MYH13: variants seen among roughly 807,000 people sequenced by gnomAD.
The protein encoded by MYH13 is myosin-13.
Under a neutral mutation model 232.1 loss-of-function variants are expected in MYH13, and 177 were observed. The observed-to-expected ratio is 0.76, with a 90% CI of 0.67 to 0.86. The LOEUF is 0.86. Among genes scored for constraint, MYH13 ranks in the 40% least tolerant of loss-of-function variants. The pLI, the probability that MYH13 is intolerant of heterozygous loss-of-function variation, is 0.00. For missense variants in MYH13, 2,246 were observed against 2,405.9 expected, an observed-to-expected ratio of 0.93 and a Z score of 1.39; for synonymous variants, 884 against 923.5, an observed-to-expected ratio of 0.96 and a Z score of 0.78.
In MYH13 at chr17:10,322,301, A is replaced by G. The variant is rs186985522; in HGVS notation, c.2935-593T>C. ...TAGTCCCAGCTACTCAGGAGGCTGA[A>G]ACAGGAGAATCGCTTGAAAACAGGA... On this transcript the variant is annotated intron_variant, in intron 23 of 40. Transcript: ENST00000252172. Among the ~76,000 whole-genome samples, 549 of 152,274 alleles carry G rather than the reference A, an allele frequency of 3.6e-3. 3 individuals are homozygous for G. The highest frequency in any genetic ancestry group is 0.012 in the African/African-American group (517 of 41,568).
At chr17:10,345,159 C>A (rs1458672720) in intron 15 of MYH13, 43 bp downstream of exon 15, 1 of 1,613,594 alleles carries the variant, frequency 6.2e-7, no homozygotes, top group African/African-American at 1.3e-5. Flanking sequence ...AGGGGAGGGC[C>A]CCCAATAAGG....
In MYH13 at chr17:10,351,234, A is replaced by AAAAAAAAAAAG. The variant is rs796765349; in HGVS notation, c.1006-541_1006-540insCTTTTTTTTTT. On this transcript the variant is annotated intron_variant, in intron 11 of 40. Coordinates refer to ENST00000252172, the MANE Select transcript of MYH13 (RefSeq NM_003802.3). ...AGACTCCATCTCAAAAAAAAAAAAA[A>AAAAAAAAAAAG]AGAGAACTGATTATGATCTTTTCTC... 1.8e-3 allele frequency among the ~76,000 whole-genome samples: 271 copies of AAAAAAAAAAAG among 150,308 alleles called. 4 individuals carry two copies. The East Asian group carries it at 0.019, about 11-fold the overall frequency.
intron 18 of MYH13, among the ~76,000 whole-genome samples, chr17:10,334,899 A>AC (rs1223079780): frequency 5.3e-5 from 8 of 152,042 alleles, no homozygotes; most frequent in East Asian, 3.8e-4. Context: ...ATAAATAAAT[A>AC]AATACAATAA....
At chr17:10,319,527 T>C (rs1250656854) in intron 26 of MYH13, among the ~76,000 whole-genome samples, 1 of 136,746 alleles carries the variant, frequency 7.3e-6, no homozygotes, top group Admixed American at 7.5e-5. Flanking sequence ...AAAAGAAGAA[T>C]ACATTATAAC....
At chr17:10,363,790 A>G (rs1016579999) in intron 3 of MYH13, among the ~76,000 whole-genome samples, 1 of 152,232 alleles carries the variant, frequency 6.6e-6, no homozygotes. Context: ...GGTCTCTCTC[A>G]TATGCCTGAG....
At chr17:10,351,227 A>AAAAAAAAAAG (rs1404180948) in intron 11 of MYH13, among the ~76,000 whole-genome samples, 1 of 150,694 alleles carries the variant, frequency 6.6e-6, no homozygotes, top group East Asian at 1.9e-4. Context: ...TCTCAAAAAA[A>AAAAAAAAAAG]AAAAAAAAGA....
chr17:10,311,937 A>T lies in MYH13; in HGVS notation c.4505T>A (p.Leu1502Gln), dbSNP rs372298751. 6.8e-6 allele frequency: 11 copies of T among 1,613,954 alleles called. No homozygotes were observed. The highest frequency in any genetic ancestry group is 7.6e-6 in the Non-Finnish European group (9 of 1,179,892). The change falls in exon 32 of 41, where the codon CTG becomes CAG. Residue 1502 changes from leucine (L) to glutamine (Q), a missense_variant. Leu to Gln is a moderately radical substitution (Grantham distance 113). Coordinates refer to ENST00000252172, the MANE Select transcript of MYH13 (RefSeq NM_003802.3). ...YEEVVDQLET[L>Q]RRENKNLQEE... ...TTGCAGATTTTTGTTCTCTCGCCTC[A>T]GTGTCTCTAACTGGTCCACCACCTC...
chr17:10,327,623 A>G (rs1907258453), intron 22 of MYH13, among the ~76,000 whole-genome samples: 2 of 152,202 alleles, frequency 1.3e-5, no homozygotes, highest in African/African-American at 4.8e-5. Context: ...TAACTCTGCG[A>G]TGACGGGGAG....
At chr17:10,349,517 A>G (rs1193119664) in intron 12 of MYH13, among the ~76,000 whole-genome samples, 1 of 152,010 alleles carries the variant, frequency 6.6e-6, no homozygotes, top group Non-Finnish European at 1.5e-5. Context: ...TGATTGCCCC[A>G]GTCAGAAGTG....
rs762142769 is a variant in MYH13 at position 10,311,203 on chromosome 17, T to A, written c.4556A>T (p.Gln1519Leu). 3 of 1,614,088 alleles carry A rather than the reference T, an allele frequency of 1.9e-6. No individual in the cohort carries two copies. In the Admixed American group the frequency reaches 5.0e-5, roughly 27 times the overall value. The change falls in exon 33 of 41, where the codon CAG becomes CTG. Residue 1519 changes from glutamine (Q) to leucine (L), a missense_variant. Gln to Leu is a moderately radical substitution (Grantham distance 113). Coordinates refer to ENST00000252172, the MANE Select transcript of MYH13 (RefSeq NM_003802.3). Reference protein sequence around the residue: ...LQEEISDLTEQIAETGKNLQE... With the variant: ...LQEEISDLTELIAETGKNLQE... ...AAGATTCTTGCCAGTTTCTGCAATC[T>A]GCTCAGTTAAGTCGGAAATCTCTTC...
At chr17:10,312,466 C>A in intron 31 of MYH13, 108 bp downstream of exon 31, 1 of 1,339,992 alleles carries the variant, frequency 7.5e-7, no homozygotes, top group Non-Finnish European at 1.0e-6. Flanking sequence ...ACTGCCACTG[C>A]AAAACATTTG....
rs751513177 is a variant in MYH13 at position 10,303,299 on chromosome 17, C to A, written c.5572-8G>T. 1 of 1,613,912 alleles carries A rather than the reference C, an allele frequency of 6.2e-7. No homozygotes were observed. The highest frequency in any genetic ancestry group is 8.5e-7 in the Non-Finnish European group (1 of 1,179,940). Reference sequence around the variant, plus strand: ...CTTGTGGTCCTCCTCAGCCTGCAAACAGAGTACACGTGGCAGGGGCCCGCA... The same window carrying A: ...CTTGTGGTCCTCCTCAGCCTGCAAAAAGAGTACACGTGGCAGGGGCCCGCA... On this transcript the variant is annotated splice_region_variant and splice_polypyrimidine_tract_variant and intron_variant, in intron 38 of 40. Transcript: ENST00000252172.
At chr17:10,352,306 G>A (rs1361249819) in intron 11 of MYH13, among the ~76,000 whole-genome samples, 2 of 152,090 alleles carry the variant, frequency 1.3e-5, no homozygotes, top group African/African-American at 2.4e-5. Context: ...TAAAAGCTCC[G>A]TGAGGCCAGG....
At position 10,345,348 on chromosome 17, in the gene MYH13, T is replaced by A; in HGVS notation, c.1438A>T (p.Ile480Phe). 3.1e-6 allele frequency: 5 copies of A among 1,614,238 alleles called. No individual in the cohort carries two copies. The highest frequency in any genetic ancestry group is 4.2e-6 in the Non-Finnish European group (5 of 1,180,042). Reference sequence around the variant, plus strand: ...TGCAGTTTCTCATTGGTGAAGTTGATGCACAGCTGCTCCAGGCTGTTGAAC... The same window carrying A: ...TGCAGTTTCTCATTGGTGAAGTTGAAGCACAGCTGCTCCAGGCTGTTGAAC... ...FDFNSLEQLC[I>F]NFTNEKLQQF... Residue 480 changes from isoleucine (I) to phenylalanine (F), a missense_variant, in exon 15 of 41, where the codon ATC becomes TTC. Coordinates refer to ENST00000252172, the MANE Select transcript of MYH13 (RefSeq NM_003802.3).
intron 23 of MYH13, among the ~76,000 whole-genome samples, chr17:10,323,760 C>A (rs1907065985): frequency 2.2e-5 from 1 of 46,038 alleles, no homozygotes. Flanking sequence ...AAGACTCCAT[C>A]TCACAAAAAA....
At chr17:10,337,935 C>T (rs2071588458) in intron 18 of MYH13, among the ~76,000 whole-genome samples, 1 of 152,112 alleles carries the variant, frequency 6.6e-6, no homozygotes, top group East Asian at 1.9e-4. Context: ...TGCCTGTAGT[C>T]CCAGCTACTC....
Position 10,350,670 on chromosome 17 carries a change from T to C in MYH13, c.1030A>G (p.Ser344Gly). 6.2e-7 allele frequency: 1 copy of C among 1,613,798 alleles called. No homozygotes were observed. Among genetic ancestry groups the C allele is most frequent in the Non-Finnish European group, 8.5e-7 (1 of 1,179,926 alleles). The change falls in exon 12 of 41, where the codon AGC (serine) becomes GGC (glycine). Residue 344 changes from serine to glycine, a missense_variant. By Grantham distance (56) the Ser-to-Gly change is moderately conservative. Transcript: ENST00000252172. ...TDNAIDILGF[S>G]SEEKVGIYKL... is the part of the protein sequence containing the mutation. ...TAGATCCCGACTTTCTCCTCTGAGC[T>C]GAAGCCCAGGATGTCAATGGCATTC...
Position 10,361,687 on chromosome 17 carries a change from A to G in MYH13, c.505+431T>C, listed in dbSNP as rs2071795125. On this transcript the variant is annotated intron_variant, in intron 5 of 40. Transcript: ENST00000252172. The stretch of plus-strand genomic sequence containing the variant: ...GGCATCATGGCATGACAGTGTTACC[A>G]TGTCCTTACTCCCCAGGTCATTCTG... Among the ~76,000 whole-genome samples the G allele has an allele frequency of 2.0e-5, 3 of 152,190 alleles. No individual in the cohort carries two copies. In the South Asian group the frequency reaches 6.2e-4, roughly 32 times the overall value.
chr17:10,364,625 C>CA, intron 2 of MYH13, 83 bp from the exon 3 acceptor site: 114 of 1,226,276 alleles, frequency 9.3e-5, no homozygotes, highest in Non-Finnish European at 1.3e-4. Context: ...TCTATTAAAA[C>CA]GGGGCCAGAT....
Sources: gnomAD v4.1 joint callset for allele counts (sites outside exome capture counted in the v4.1 genomes callset) on GRCh38, gnomAD v4.1.1 for gene constraint, MANE v1.5 for transcripts, NCBI Gene and HGNC (gene_info 2026-07-23, HGNC 2026-07-21) for gene names.